ADD1: variants seen among roughly 807,000 people sequenced by gnomAD.
The protein encoded by ADD1 is alpha-adducin.
In ADD1, 24 loss-of-function variants were observed where a neutral mutation model predicts 80.5. The ratio of observed to expected loss-of-function variants is 0.30; its 90% CI spans 0.22 to 0.42. The LOEUF (loss-of-function observed/expected upper bound fraction) is 0.42, where lower values mean the gene tolerates loss of function less well. ADD1 is among the 10% of genes least tolerant of loss of function. The pLI is 1.00. For synonymous variants in ADD1, 373 were observed against 393.8 expected (o/e 0.95, Z 0.63); for missense variants, 948 against 1,019.0 (o/e 0.93, Z 0.95).
intron 10 of ADD1, 65 bp from the exon 11 acceptor site, chr4:2,907,678 G>C: frequency 7.5e-7 from 1 of 1,324,840 alleles, no homozygotes; most frequent in Non-Finnish European, 1.1e-6. Flanking sequence ...AAACTGAATA[G>C]ATTGGATGCT....
intron 1 of ADD1, among the ~76,000 whole-genome samples, chr4:2,869,593 C>T (rs1423197471): frequency 6.6e-6 from 1 of 152,186 alleles, no homozygotes; most frequent in Non-Finnish European, 1.5e-5. Flanking sequence ...ATAATATCCT[C>T]TCTCAGTTCT....
intron 14 of ADD1, among the ~76,000 whole-genome samples, chr4:2,919,188 G>A (rs566931452): frequency 6.6e-6 from 1 of 152,188 alleles, no homozygotes; most frequent in African/African-American, 2.4e-5. Flanking sequence ...AAGCCAACTT[G>A]ATCGTGGTGG....
At chr4:2,902,375 C>T (rs1175768251) in intron 9 of ADD1, 2 of 152,154 alleles carry the variant, frequency 1.3e-5, no homozygotes, top group Non-Finnish European at 2.9e-5. Context: ...ACACATTTAC[C>T]TTATCTTTCT....
intron 1 of ADD1, among the ~76,000 whole-genome samples, chr4:2,864,894 C>T (rs1382606448): frequency 6.6e-6 from 1 of 152,160 alleles, no homozygotes; most frequent in Non-Finnish European, 1.5e-5. Flanking sequence ...CATTGTGCCT[C>T]ACTTGTTTTA....
chr4:2,915,405 C>T (rs568111214), intron 14 of ADD1, among the ~76,000 whole-genome samples: 3 of 152,310 alleles, frequency 2.0e-5, no homozygotes, highest in East Asian at 1.9e-4. Flanking sequence ...CTTTGGGAGG[C>T]CGAGGCGGGC....
In ADD1 at chr4:2,875,951, A is replaced by G. The variant is rs1433130616; in HGVS notation, c.36A>G (p.Ser12=). The G allele has an allele frequency of 6.2e-7, 1 of 1,612,564 alleles. No individual in the cohort carries two copies. Among genetic ancestry groups the G allele is most frequent in the South Asian group, 1.1e-5 (1 of 90,812 alleles). ...ATTCTCGTGCTGCGGTGGTGACCTC[A>G]CCACCCCCGACCACAGCCCCTCACA... is the stretch of plus-strand genomic sequence containing the variant. The part of the protein sequence containing the change: ...NGDSRAAVVT[S]PPPTTAPHKE... The change falls in exon 2 of 16, where the codon TCA becomes TCG. Residue 12 remains serine, a synonymous_variant. Transcript: ENST00000683351.
intron 14 of ADD1, among the ~76,000 whole-genome samples, chr4:2,921,829 C>T (rs1287262723): frequency 5.9e-5 from 9 of 152,018 alleles, no homozygotes; most frequent in East Asian, 3.9e-4. Flanking sequence ...AGGCTTTGTT[C>T]ATTCCTTTTC....
chr4:2,889,867 G>A lies in ADD1; in HGVS notation c.511-4146G>A, dbSNP rs548389725. 5.3e-5 allele frequency among the ~76,000 whole-genome samples: 8 copies of A among 151,786 alleles called. No homozygotes were observed. In the South Asian group the frequency reaches 8.3e-4, roughly 16 times the overall value. On this transcript the variant is annotated intron_variant, in intron 4 of 15. Coordinates refer to ENST00000683351, the MANE Select transcript of ADD1 (RefSeq NM_001354761.2). ...CATAAAGACAGTAATAATAAAAGCC[G>A]CAACCTGGAAGGTTTGTCCCACATG...
intron 1 of ADD1, among the ~76,000 whole-genome samples, chr4:2,847,745 A>G (rs573891632): frequency 6.6e-6 from 1 of 152,314 alleles, no homozygotes; most frequent in Admixed American, 6.5e-5. Flanking sequence ...TATATGCTAG[A>G]AGTACATTGG....
At chr4:2,903,651 C>T (rs1356322954) in intron 9 of ADD1, among the ~76,000 whole-genome samples, 1 of 152,194 alleles carries the variant, frequency 6.6e-6, no homozygotes, top group Admixed American at 6.5e-5. Flanking sequence ...TGATACAGCC[C>T]ATCATCACCT....
chr4:2,911,781 C>T (rs971374579), intron 13 of ADD1, among the ~76,000 whole-genome samples: 2 of 152,080 alleles, frequency 1.3e-5, no homozygotes, highest in Admixed American at 1.3e-4. Flanking sequence ...TTTGGCTGCC[C>T]TCTGGATTCA....
intron 1 of ADD1, among the ~76,000 whole-genome samples, chr4:2,861,018 A>G (rs961825676): frequency 1.3e-5 from 2 of 152,222 alleles, no homozygotes; most frequent in African/African-American, 4.8e-5. Flanking sequence ...GCAGGGAAGC[A>G]AACTTCAAAA....
At position 2,898,181 on chromosome 4, in the gene ADD1, T is replaced by C; in HGVS notation, c.742-3T>C. 6.2e-7 allele frequency: 1 copy of C among 1,611,986 alleles called. No homozygotes were observed. Among genetic ancestry groups the C allele is most frequent in the Non-Finnish European group, 8.5e-7 (1 of 1,178,782 alleles). ...TTCTTCATGGCGACCATTTGGTCTC[T>C]AGGTCTCTGCAATGAAATGTGGCCT... On this transcript the variant is annotated splice_region_variant and splice_polypyrimidine_tract_variant and intron_variant, in intron 6 of 15. Transcript: ENST00000683351.
intron 13 of ADD1, among the ~76,000 whole-genome samples, chr4:2,910,328 G>A (rs941057804): frequency 6.6e-6 from 1 of 151,886 alleles, no homozygotes; most frequent in African/African-American, 2.4e-5. Context: ...CCACATAGAA[G>A]CAGGTTTATA....
chr4:2,860,108 G>A (rs1728640100), intron 1 of ADD1, among the ~76,000 whole-genome samples: 1 of 151,928 alleles, frequency 6.6e-6, no homozygotes, highest in Non-Finnish European at 1.5e-5. Context: ...CAGTCTTTAT[G>A]GGGTTTCATA....
At chr4:2,917,547 T>A (rs187570123) in intron 14 of ADD1, among the ~76,000 whole-genome samples, 1 of 152,354 alleles carries the variant, frequency 6.6e-6, no homozygotes, top group African/African-American at 2.4e-5. Flanking sequence ...AGATCCCATT[T>A]GTCAGTTTTG....
At chr4:2,860,578 C>T (rs542693779) in intron 1 of ADD1, among the ~76,000 whole-genome samples, 1 of 152,310 alleles carries the variant, frequency 6.6e-6, no homozygotes, top group African/African-American at 2.4e-5. Context: ...TGTATTTGTT[C>T]TTCCATATGT....
intron 2 of ADD1, among the ~76,000 whole-genome samples, chr4:2,878,106 G>A (rs1017132339): frequency 6.6e-5 from 10 of 152,218 alleles, no homozygotes; most frequent in Admixed American, 5.9e-4. Context: ...AGGTTGGAGA[G>A]AGAGGAGGGA....
At chr4:2,851,003 A>C (rs1036899903) in intron 1 of ADD1, among the ~76,000 whole-genome samples, 1 of 152,182 alleles carries the variant, frequency 6.6e-6, no homozygotes, top group Admixed American at 6.5e-5. Flanking sequence ...AAAATGTTAT[A>C]ACGTTAGATT....
Sources: allele counts gnomAD v4.1 joint callset (sites outside exome capture counted in the v4.1 genomes callset), GRCh38; gene constraint gnomAD v4.1.1; transcripts MANE v1.5; gene names NCBI Gene and HGNC (gene_info 2026-07-23, HGNC 2026-07-21).